Variants in BLOC1S1 observed in about 807,000 individuals in gnomAD.
BLOC1S1 encodes biogenesis of lysosomal organelles complex 1 subunit 1, also known as biogenesis of lysosome-related organelles complex 1 subunit 1.
BLOC1S1 carries 11 observed loss-of-function variants against 19.0 expected under a neutral mutation model. The observed-to-expected ratio is 0.58, with a 90% confidence interval of 0.37 to 0.96. The LOEUF is 0.96. BLOC1S1 is among the 40% of genes least tolerant of loss of function. The pLI, the probability that BLOC1S1 is intolerant of heterozygous loss-of-function variation, is 0.01. For synonymous variants in BLOC1S1, 94 were observed against 76.4 expected (o/e 1.23, Z -1.20); for missense variants, 220 against 195.9 (o/e 1.12, Z -0.73).
At chr12:55,717,031 TTCC>T in intron 2 of BLOC1S1, 26 bp downstream of exon 2, 1 of 1,548,348 alleles carries the variant, frequency 6.5e-7, no homozygotes, top group Non-Finnish European at 8.7e-7. Flanking sequence ...CAACATCAGT[TTCC>T]TCCTTCCCCA....
rs779161990 is a variant in BLOC1S1 at position 55,719,190 on chromosome 12, C to G, written c.318C>G (p.Ile106Met). 1.2e-6 allele frequency: 2 copies of G among 1,613,768 alleles called. No homozygotes were observed. The highest frequency in any genetic ancestry group is 1.3e-5 in the African/African-American group (1 of 74,786). Reference protein sequence around the residue: ...AQFAKQTGQWIGMVENFNQAL... With the variant: ...AQFAKQTGQWMGMVENFNQAL... ...TTGCCAAGCAGACAGGCCAGTGGATCGGAATGGTGGAGAACTTCAACCAGG... is the reference window on the plus strand; with the variant it reads ...TTGCCAAGCAGACAGGCCAGTGGATGGGAATGGTGGAGAACTTCAACCAGG... The change falls in exon 3 of 4, where the codon ATC becomes ATG. Residue 106 changes from isoleucine (I) to methionine (M), a missense_variant. Transcript: ENST00000548925.
At chr12:55,716,248 A>C (rs1346309636) in intron 1 of BLOC1S1, 52 bp downstream of exon 1, 2 of 1,560,696 alleles carry the variant, frequency 1.3e-6, no homozygotes, top group Admixed American at 3.9e-5. Context: ...GCCTAGCTTC[A>C]GCCCGGAGCC....
At position 55,716,945 on chromosome 12, in the gene BLOC1S1, G is replaced by A. The variant is rs754582684; in HGVS notation, c.158G>A (p.Arg53Gln). Residue 53 changes from arginine to glutamine, a missense_variant, in exon 2 of 4, where the codon CGA (arginine) becomes CAA (glutamine). Coordinates refer to ENST00000548925, the MANE Select transcript of BLOC1S1 (RefSeq NM_001487.4). ...ERKELQEKRR[R>Q]EAITAATCLT... is the part of the protein sequence containing the mutation. ...CCCCTCTCCCCAGAAAAGAGGAGGCGAGAGGCTATCACTGCAGCGACCTGC... is the reference window on the plus strand; with the variant it reads ...CCCCTCTCCCCAGAAAAGAGGAGGCAAGAGGCTATCACTGCAGCGACCTGC... The A allele has an allele frequency of 2.5e-6, 4 of 1,589,376 alleles. No homozygotes were observed. Among genetic ancestry groups the A allele is most frequent in the Middle Eastern group, 1.7e-4 (1 of 6,030 alleles).
intron 1 of BLOC1S1, chr12:55,716,459 G>A (rs1207717597): frequency 2.3e-6 from 3 of 1,328,842 alleles, no homozygotes; most frequent in East Asian, 6.8e-5. Context: ...CCCCTGCCCC[G>A]GAGCGCCCTG....
rs527446564 is a variant in BLOC1S1 at position 55,717,121 on chromosome 12, C to T, written c.218+116C>T. 3.8e-4 allele frequency: 290 copies of T among 767,628 alleles called. 3 individuals carry two copies. The South Asian group carries it at 5.8e-3, about 15-fold the overall frequency. The allele number at this position is 767,628 out of a possible 1,614,324, so 47.6% of individuals were successfully genotyped here. A position where few individuals can be genotyped will look rare whatever the true frequency, so the allele number is the denominator to read the frequency against. On this transcript the variant is annotated intron_variant, in intron 2 of 3. Transcript: ENST00000548925. The stretch of plus-strand genomic sequence containing the variant: ...GGGGTGGGATGTTCCACTAATTCCC[C>T]TATCCTACCCCGCCCCTCCCAGCTC...
intron 2 of BLOC1S1, among the ~76,000 whole-genome samples, chr12:55,717,546 C>A (rs1876663360): frequency 6.6e-6 from 1 of 151,124 alleles, no homozygotes; most frequent in South Asian, 2.1e-4. Context: ...ATGCAAGTAA[C>A]AGCCAAAGAC....
At chr12:55,716,901 T>A in intron 1 of BLOC1S1, 32 bp from the exon 2 acceptor site, 1 of 1,568,704 alleles carries the variant, frequency 6.4e-7, no homozygotes, top group Non-Finnish European at 8.6e-7. Flanking sequence ...AAACCAAGTC[T>A]CCCCTCCAAT....
chr12:55,716,818 A>G, intron 1 of BLOC1S1, 115 bp from the exon 2 acceptor site: 1 of 1,284,210 alleles, frequency 7.8e-7, no homozygotes, highest in East Asian at 2.7e-5. Context: ...GCATTCAGAG[A>G]TTAGTTAAGA....
chr12:55,716,531 G>C lies in BLOC1S1; in HGVS notation c.145+335G>C, dbSNP rs184528230. ...GAAGGAGCGACTCTGGAGGGAGGAGGGTGTGGGGAACCCCCCAGAGATGGG... is the reference window on the plus strand; with the variant it reads ...GAAGGAGCGACTCTGGAGGGAGGAGCGTGTGGGGAACCCCCCAGAGATGGG... On this transcript the variant is annotated intron_variant, in intron 1 of 3. Transcript: ENST00000548925. 1.1e-5 allele frequency: 14 copies of C among 1,235,176 alleles called. No individual in the cohort carries two copies. The Admixed American group carries it at 6.3e-4, about 56-fold the overall frequency. The allele number at this position is 1,235,176 out of a possible 1,614,324, so 76.5% of individuals were successfully genotyped here.
chr12:55,716,119 C>T lies in BLOC1S1; in HGVS notation c.68C>T (p.Pro23Leu), dbSNP rs1439194689. 1 of 1,609,052 alleles carries T rather than the reference C, an allele frequency of 6.2e-7. No homozygotes were observed. Among genetic ancestry groups the T allele is most frequent in the South Asian group, 1.1e-5 (1 of 90,334 alleles). Residue 23 changes from proline to leucine, a missense_variant, in exon 1 of 4, where the codon CCC becomes CTC. By Grantham distance (98) the Pro-to-Leu change is moderately conservative (BLOSUM62 -3). Transcript: ENST00000548925. ...CGGAGGGGGCCCGGCGTACCCAGCC[C>T]CCAGCCCGACGTGACCATGCTGTCC... is the stretch of plus-strand genomic sequence containing the variant. ...RSRRGPGVPS[P>L]QPDVTMLSRL...
intron 2 of BLOC1S1, among the ~76,000 whole-genome samples, chr12:55,717,436 G>A (rs1224923309): frequency 1.3e-5 from 2 of 152,172 alleles, no homozygotes; most frequent in African/African-American, 4.8e-5. Context: ...TGGTGGTGGT[G>A]AGAGTAGAAC....
At position 55,719,660 on chromosome 12, in the gene BLOC1S1, A is replaced by G; in HGVS notation, c.*51A>G. The stretch of plus-strand genomic sequence containing the variant: ...CCCTCCTACCTCACCCGCAGGGGGA[A>G]GGAGGGAGGCTGACAAGCCTTGAAT... On this transcript the variant is annotated 3_prime_UTR_variant, in exon 4 of 4. Transcript: ENST00000548925. The G allele has an allele frequency of 6.7e-7, 1 of 1,501,226 alleles. No homozygotes were observed. The highest frequency in any genetic ancestry group is 9.3e-7 in the Non-Finnish European group (1 of 1,080,596). 93.0% of individuals were successfully genotyped at this position (1,501,226 alleles called of 1,614,324 possible). A position where few individuals can be genotyped will look rare whatever the true frequency, so the allele number is the denominator to read the frequency against.
At chr12:55,719,070 C>G in intron 2 of BLOC1S1, 21 bp from the exon 3 acceptor site, 2 of 1,608,228 alleles carry the variant, frequency 1.2e-6, no homozygotes, top group Non-Finnish European at 1.7e-6. Context: ...AGCTGATCTC[C>G]TCCCTCCTCC....
chr12:55,717,765 G>A (rs560474615), intron 2 of BLOC1S1, among the ~76,000 whole-genome samples: 1 of 152,310 alleles, frequency 6.6e-6, no homozygotes, highest in South Asian at 2.1e-4. Flanking sequence ...CATCTTGGGG[G>A]AAGGTTGAGA....
In BLOC1S1 at chr12:55,716,949, G is replaced by A. The variant is rs778074600; in HGVS notation, c.162G>A (p.Glu54=). 8 of 1,592,804 alleles carry A rather than the reference G, an allele frequency of 5.0e-6. No individual in the cohort carries two copies. The highest frequency in any genetic ancestry group is 6.0e-6 in the Non-Finnish European group (7 of 1,171,164). The change falls in exon 2 of 4, where the codon GAG becomes GAA. Residue 54 remains glutamate (E), a synonymous_variant. Coordinates refer to ENST00000548925, the MANE Select transcript of BLOC1S1 (RefSeq NM_001487.4). ...RKELQEKRRR[E]AITAATCLTE... ...TCTCCCCAGAAAAGAGGAGGCGAGA[G>A]GCTATCACTGCAGCGACCTGCCTGA... is the stretch of plus-strand genomic sequence containing the variant.
chr12:55,716,324 G>A, intron 1 of BLOC1S1, 128 bp downstream of exon 1: 20 of 1,493,332 alleles, frequency 1.3e-5, no homozygotes, highest in South Asian at 5.2e-5. Context: ...GCATGGGGGA[G>A]AGGGAATTTC....
chr12:55,716,957 C>G lies in BLOC1S1; in HGVS notation c.170C>G (p.Thr57Ser), dbSNP rs771371076. Residue 57 changes from threonine to serine, a missense_variant, in exon 2 of 4, where the codon ACT becomes AGT. Physicochemically the swap from Thr to Ser is moderately conservative, Grantham distance 58. Transcript: ENST00000548925. ...GAAAAGAGGAGGCGAGAGGCTATCA[C>G]TGCAGCGACCTGCCTGACAGAAGCT... ...LQEKRRREAI[T>S]AATCLTEALV... 1.3e-6 allele frequency: 2 copies of G among 1,597,226 alleles called. No individual in the cohort carries two copies. The highest frequency in any genetic ancestry group is 2.3e-5 in the South Asian group (2 of 88,288).
intron 3 of BLOC1S1, 40 bp downstream of exon 3, chr12:55,719,263 C>A: frequency 6.2e-7 from 1 of 1,613,996 alleles, no homozygotes; most frequent in Non-Finnish European, 8.5e-7. Context: ...AATCCTGGGC[C>A]CCCATTGGCT....
intron 1 of BLOC1S1, chr12:55,716,397 C>T (rs1237454133): frequency 1.5e-5 from 21 of 1,399,584 alleles, no homozygotes; most frequent in Non-Finnish European, 1.8e-6. Flanking sequence ...GGGCAATACT[C>T]CGGTCCCCTC....
Sources: gnomAD v4.1 joint callset for allele counts (sites outside exome capture counted in the v4.1 genomes callset) on GRCh38, gnomAD v4.1.1 for gene constraint, MANE v1.5 for transcripts, NCBI Gene and HGNC (gene_info 2026-07-23, HGNC 2026-07-21) for gene names.